The following METTL15 variants were observed in gnomAD, a reference collection of about 807,000 sequenced individuals.
METTL15 encodes methyltransferase 15, mitochondrial 12S rRNA N4-cytidine, also known as 12S rRNA N(4)-cytidine methyltransferase METTL15.
Under a neutral mutation model 38.3 loss-of-function variants are expected in METTL15, and 34 were observed. That is an observed-to-expected ratio of 0.89 (90% CI 0.68 to 1.18). METTL15 has a LOEUF of 1.18. Among genes scored for constraint, METTL15 ranks in the 50% most tolerant of loss-of-function variants. METTL15 has a pLI of 0.00. For synonymous variants in METTL15, 162 were observed against 170.9 expected, an observed-to-expected ratio of 0.95 and a Z score of 0.41; for missense variants, 438 against 498.4, an observed-to-expected ratio of 0.88 and a Z score of 1.15.
chr11:28,418,056 G>C (rs1478826631), intron 5 of METTL15, among the ~76,000 whole-genome samples: 1 of 152,114 alleles, frequency 6.6e-6, no homozygotes, highest in Non-Finnish European at 1.5e-5. Context: ...ATCCGGTTTG[G>C]AGTTCTGGTA....
At chr11:28,457,889 T>G (rs2133452990) in intron 6 of METTL15, among the ~76,000 whole-genome samples, 1 of 152,280 alleles carries the variant, frequency 6.6e-6, no homozygotes, top group East Asian at 1.9e-4. Flanking sequence ...TTAGACCTAA[T>G]ATCATTTTTA....
intron 3 of METTL15, among the ~76,000 whole-genome samples, chr11:28,143,259 C>G (rs1456045662): frequency 1.3e-5 from 2 of 151,932 alleles, no homozygotes; most frequent in Non-Finnish European, 2.9e-5. Context: ...AAGTCATAAC[C>G]CATGTGATAC....
intron 4 of METTL15, among the ~76,000 whole-genome samples, chr11:28,287,079 GCACA>G (rs143840875): frequency 7.8e-5 from 11 of 141,040 alleles, no homozygotes; most frequent in Admixed American, 2.9e-4. Flanking sequence ...ATATGTACAT[GCACA>G]CACACACACA....
chr11:28,191,358 G>A (rs1051373464), intron 3 of METTL15, among the ~76,000 whole-genome samples: 6 of 150,582 alleles, frequency 4.0e-5, no homozygotes, highest in African/African-American at 1.5e-4. Flanking sequence ...GAATTTAATA[G>A]TCAACTAAAA....
chr11:28,515,254 T>G (rs1040578289), intron 6 of METTL15, among the ~76,000 whole-genome samples: 2 of 152,172 alleles, frequency 1.3e-5, no homozygotes, highest in Non-Finnish European at 2.9e-5. Context: ...GGTGGCTCTT[T>G]TAACTCTACA....
intron 6 of METTL15, among the ~76,000 whole-genome samples, chr11:28,515,082 C>G (rs1230285657): frequency 6.6e-6 from 1 of 152,102 alleles, no homozygotes; most frequent in Non-Finnish European, 1.5e-5. Flanking sequence ...TCACGTTTTA[C>G]CACTTTTTAA....
intron 5 of METTL15, among the ~76,000 whole-genome samples, chr11:28,388,679 C>T (rs1223208384): frequency 6.6e-6 from 1 of 151,960 alleles, no homozygotes; most frequent in Admixed American, 6.6e-5. Flanking sequence ...CACAATGACA[C>T]TTTTCTTTTT....
intron 4 of METTL15, among the ~76,000 whole-genome samples, chr11:28,218,142 C>T (rs1020551163): frequency 2.3e-4 from 35 of 152,062 alleles, no homozygotes; most frequent in African/African-American, 8.5e-4. Context: ...TATAAATTAC[C>T]TTGGATAGTG....
Position 28,393,005 on chromosome 11 carries a change from C to A in METTL15, c.*358+30969C>A, listed in dbSNP as rs772232164. ...AACGGGGAAAAAAAAGAAAAAAAAG[C>A]AAAACAGAACATAACCAGTGCTATT... On this transcript the variant is annotated intron_variant and NMD_transcript_variant, in intron 5 of 7. Coordinates refer to the METTL15 transcript ENST00000532947. Among the ~76,000 whole-genome samples the A allele has an allele frequency of 1.0e-3, 156 of 151,808 alleles. 2 individuals carry two copies. Among genetic ancestry groups the A allele is most frequent in the Non-Finnish European group, 3.2e-4 (22 of 67,866 alleles).
intron 3 of METTL15, chr11:28,145,880 G>A (rs1849865688): frequency 6.6e-6 from 1 of 151,896 alleles, no homozygotes; most frequent in Non-Finnish European, 1.5e-5. Context: ...ATCTGAAAAT[G>A]TAAGCAAGTT....
intron 4 of METTL15, among the ~76,000 whole-genome samples, chr11:28,228,715 A>G (rs1053252891): frequency 6.6e-5 from 10 of 151,988 alleles, no homozygotes; most frequent in African/African-American, 2.4e-4. Context: ...ACTACATTCC[A>G]CATATATTGT....
intron 4 of METTL15, among the ~76,000 whole-genome samples, chr11:28,248,150 G>A (rs537664868): frequency 2.6e-5 from 4 of 151,998 alleles, no homozygotes; most frequent in African/African-American, 7.2e-5. Flanking sequence ...CTTTGTAATC[G>A]GTTGAAAGCC....
At chr11:28,192,592 A>G (rs1167690549) in intron 3 of METTL15, among the ~76,000 whole-genome samples, 1 of 152,000 alleles carries the variant, frequency 6.6e-6, no homozygotes, top group Non-Finnish European at 1.5e-5. Context: ...TATTTTTGTA[A>G]TAGTGGTTAT....
intron 3 of METTL15, among the ~76,000 whole-genome samples, chr11:28,141,784 T>C (rs1270373540): frequency 6.6e-6 from 1 of 152,238 alleles, no homozygotes; most frequent in Non-Finnish European, 1.5e-5. Context: ...TGGTTATTGC[T>C]TAATGATGCT....
intron 6 of METTL15, among the ~76,000 whole-genome samples, chr11:28,301,796 A>G (rs951293815): frequency 6.6e-6 from 1 of 152,172 alleles, no homozygotes; most frequent in Non-Finnish European, 1.5e-5. Context: ...GACTATAAAC[A>G]TCAAGATTAT....
intron 3 of METTL15, chr11:28,144,992 C>A: frequency 4.8e-6 from 1 of 208,098 alleles, no homozygotes; most frequent in South Asian, 9.7e-5. Flanking sequence ...AGCACAGCTT[C>A]CTTAACTGTC....
At chr11:28,160,869 G>C (rs923164822) in intron 3 of METTL15, among the ~76,000 whole-genome samples, 33 of 151,882 alleles carry the variant, frequency 2.2e-4, no homozygotes, top group Non-Finnish European at 2.6e-4. Flanking sequence ...TATTTAGGTA[G>C]CTCTTCATTT....
chr11:28,237,879 G>C (rs1023606362), intron 4 of METTL15, among the ~76,000 whole-genome samples: 1 of 152,196 alleles, frequency 6.6e-6, no homozygotes, highest in Admixed American at 6.5e-5. Context: ...TCCAGACCCT[G>C]TTTGCCTGGG....
chr11:28,467,416 A>T (rs1450953515), intron 6 of METTL15, among the ~76,000 whole-genome samples: 2 of 152,196 alleles, frequency 1.3e-5, no homozygotes, highest in African/African-American at 4.8e-5. Flanking sequence ...GGCCTTCGAC[A>T]AGAGGCTCCA....
Sources: gnomAD v4.1 joint callset for allele counts (sites outside exome capture counted in the v4.1 genomes callset) on GRCh38, gnomAD v4.1.1 for gene constraint, MANE v1.5 for transcripts, NCBI Gene and HGNC (gene_info 2026-07-23, HGNC 2026-07-21) for gene names.